Variants in PIEZO2 observed in about 807,000 individuals in gnomAD.
PIEZO2 encodes the protein piezo-type mechanosensitive ion channel component 2.
Under a neutral mutation model 337.3 loss-of-function variants are expected in PIEZO2, and 172 were observed. That is an observed-to-expected ratio of 0.51 (90% CI 0.45 to 0.58). The LOEUF (loss-of-function observed/expected upper bound fraction) is 0.58, where lower values mean the gene tolerates loss of function less well. Among genes scored for constraint, PIEZO2 ranks in the 20% least tolerant of loss-of-function variants. The pLI, the probability that PIEZO2 is intolerant of heterozygous loss-of-function variation, is 0.00. For synonymous variants in PIEZO2, 1,251 were observed against 1,228.5 expected (o/e 1.02, Z -0.38); for missense variants, 3,028 against 3,391.3 (o/e 0.89, Z 2.66).
rs2036887330 is a variant in PIEZO2, at chr18:11,035,305, C to T, written c.160+30822G>A. ...TTGTTTAAAAAGCCTGGCACCTTCT[C>T]TCTCTCTCCCTCTCTCTCTCTCTCT... is the stretch of plus-strand genomic sequence containing the variant. On this transcript the variant is annotated intron_variant, in intron 2 of 55. Coordinates refer to ENST00000674853, the MANE Select transcript of PIEZO2 (RefSeq NM_001378183.1). This position sits in a 1 kb window ranked among gnomAD's most constrained non-coding sequence, Gnocchi z 4.3. Among the ~76,000 whole-genome samples the T allele has an allele frequency of 8.7e-6, 1 of 115,346 alleles. No homozygotes were observed. Among genetic ancestry groups the T allele is most frequent in the Non-Finnish European group, 1.7e-5 (1 of 57,802 alleles). The allele number at this position is 115,346 out of a possible 152,430, so 75.7% of individuals were successfully genotyped here.
At chr18:10,769,974 T>C in intron 21 of PIEZO2, 174 bp downstream of exon 21, 1 of 630,190 alleles carries the variant, frequency 1.6e-6, no homozygotes, top group Non-Finnish European at 2.5e-6. Flanking sequence ...CCTCTTTCCT[T>C]TTTCTCAGTG....
chr18:10,735,815 C>G (rs111274614), intron 34 of PIEZO2, among the ~76,000 whole-genome samples: 4 of 152,138 alleles, frequency 2.6e-5, no homozygotes, highest in Non-Finnish European at 5.9e-5. Context: ...AAAAAACTGA[C>G]GAAGGCCTTA....
chr18:10,789,552 T>C (rs894074817), intron 14 of PIEZO2, among the ~76,000 whole-genome samples, 187 bp from the exon 15 acceptor site: 1 of 152,220 alleles, frequency 6.6e-6, no homozygotes, highest in Non-Finnish European at 1.5e-5. Context: ...TTTCATAACC[T>C]TCTCAAAATA....
At chr18:10,917,489 T>C (rs2031071850) in intron 3 of PIEZO2, among the ~76,000 whole-genome samples, 1 of 152,226 alleles carries the variant, frequency 6.6e-6, no homozygotes, top group African/African-American at 2.4e-5. Context: ...TGATTACTTT[T>C]ACCAATCATT....
At chr18:11,034,276 A>G (rs1243198902) in intron 2 of PIEZO2, among the ~76,000 whole-genome samples, 1 of 152,056 alleles carries the variant, frequency 6.6e-6, no homozygotes, top group Non-Finnish European at 1.5e-5. Context: ...TTTACTGATT[A>G]AATGTATCAT....
intron 2 of PIEZO2, among the ~76,000 whole-genome samples, chr18:11,043,817 G>A (rs1367490165): frequency 2.0e-5 from 3 of 151,794 alleles, no homozygotes; most frequent in East Asian, 1.9e-4. Context: ...CCATAGGCAC[G>A]TGCCATCATG....
chr18:10,782,173 AAT>A lies in PIEZO2; in HGVS notation c.2493-1809_2493-1808del, dbSNP rs541931221. On this transcript the variant is annotated intron_variant, in intron 17 of 55. Transcript: ENST00000674853. ...ATGTTATAATTATATATTATATATT[AAT>A]ATATATCAATGTACATCATATTATA... Among the ~76,000 whole-genome samples, 331 of 138,968 alleles carry A rather than the reference AAT, an allele frequency of 2.4e-3. 2 individuals are homozygous for A. The highest frequency in any genetic ancestry group is 8.3e-3 in the African/African-American group (312 of 37,632). The allele number at this position is 138,968 out of a possible 152,430, so 91.2% of individuals were successfully genotyped here. A position where few individuals can be genotyped will look rare whatever the true frequency, so the allele number is the denominator to read the frequency against.
At chr18:11,054,567 C>T (rs899005170) in intron 2 of PIEZO2, among the ~76,000 whole-genome samples, 12 of 152,198 alleles carry the variant, frequency 7.9e-5, no homozygotes, top group African/African-American at 2.4e-4. Context: ...TGTTTATATA[C>T]TGGAAGGGAA....
At chr18:10,740,111 C>T (rs905854234) in intron 33 of PIEZO2, 1 of 151,942 alleles carries the variant, frequency 6.6e-6, no homozygotes, top group South Asian at 2.1e-4. Flanking sequence ...CGACATTATA[C>T]GTAACTTGCA....
Position 10,722,957 on chromosome 18 carries a change from ATTT to A in PIEZO2, c.5030-4701_5030-4699del, listed in dbSNP as rs36042609. On this transcript the variant is annotated intron_variant, in intron 36 of 55. Coordinates refer to ENST00000674853, the MANE Select transcript of PIEZO2 (RefSeq NM_001378183.1). Reference sequence around the variant, plus strand: ...GACAGCATGTGTCCAGGATGCAGTGATTTTTTTTTTTTTTTTTTTTTTTTTTTG... The same window carrying A: ...GACAGCATGTGTCCAGGATGCAGTGATTTTTTTTTTTTTTTTTTTTTTTTG... 6.3e-3 allele frequency among the ~76,000 whole-genome samples: 534 copies of A among 84,294 alleles called. 2 individuals carry two copies. The highest frequency in any genetic ancestry group is 0.02 in the African/African-American group (412 of 20,872). The allele number at this position is 84,294 out of a possible 152,430, so 55.3% of individuals were successfully genotyped here. A position where few individuals can be genotyped will look rare whatever the true frequency, so the allele number is the denominator to read the frequency against.
chr18:10,927,400 C>T (rs2031811128), intron 3 of PIEZO2, among the ~76,000 whole-genome samples: 1 of 152,122 alleles, frequency 6.6e-6, no homozygotes, highest in African/African-American at 2.4e-5. Context: ...CAGGTTGCAG[C>T]GCAGGCCGTG....
chr18:10,993,297 A>T lies in PIEZO2; in HGVS notation c.161-13637T>A, dbSNP rs2035178253. On this transcript the variant is annotated intron_variant, in intron 2 of 55. Coordinates refer to ENST00000674853, the MANE Select transcript of PIEZO2 (RefSeq NM_001378183.1). This position sits in a 1 kb window ranked among gnomAD's most constrained non-coding sequence, Gnocchi z 5.0. Reference sequence around the variant, plus strand: ...GTGGTGAGAGAGTGCCGGTTTTCAAAGGGAATGCTTCCAGTTTTTGCCCAT... The same window carrying T: ...GTGGTGAGAGAGTGCCGGTTTTCAATGGGAATGCTTCCAGTTTTTGCCCAT... 6.6e-6 allele frequency among the ~76,000 whole-genome samples: 1 copy of T among 152,054 alleles called. No individual in the cohort carries two copies.
intron 2 of PIEZO2, among the ~76,000 whole-genome samples, chr18:11,046,246 T>G (rs1288916807): frequency 1.3e-5 from 2 of 152,202 alleles, no homozygotes; most frequent in Non-Finnish European, 2.9e-5. Context: ...GAGCAACATA[T>G]GGTTGAATGA....
chr18:10,693,294 A>G lies in PIEZO2; in HGVS notation c.7191-1911T>C, dbSNP rs898723822. Among the ~76,000 whole-genome samples, 3 of 150,582 alleles carry G rather than the reference A, an allele frequency of 2.0e-5. No individual in the cohort carries two copies. The East Asian group carries it at 5.9e-4, about 30-fold the overall frequency. ...ACAGCCTTATTGTAGATTCCACCGG[A>G]TTTTCTATATAGGCTGTCATATCTG... is the stretch of plus-strand genomic sequence containing the variant. On this transcript the variant is annotated intron_variant, in intron 47 of 55. Transcript: ENST00000674853.
At chr18:10,858,033 A>C (rs555081339) in intron 5 of PIEZO2, among the ~76,000 whole-genome samples, 47 of 150,210 alleles carry the variant, frequency 3.1e-4, no homozygotes, top group Non-Finnish European at 5.8e-4. Context: ...AGAAATCATA[A>C]ATAAGTGGCT....
chr18:10,756,059 G>A (rs917912757), intron 27 of PIEZO2, among the ~76,000 whole-genome samples: 13 of 147,714 alleles, frequency 8.8e-5, no homozygotes, highest in African/African-American at 3.3e-4. Flanking sequence ...ATGAAGAGGA[G>A]GGATGGGGAT....
At chr18:10,841,684 G>A (rs2041197510) in intron 7 of PIEZO2, among the ~76,000 whole-genome samples, 1 of 152,166 alleles carries the variant, frequency 6.6e-6, no homozygotes, top group African/African-American at 2.4e-5. Flanking sequence ...ATGCTAATGG[G>A]ACTCCTTCAG....
Position 10,676,300 on chromosome 18 carries a change from A to G in PIEZO2, c.8082-1012T>C, listed in dbSNP as rs531163867. ...TCTAAGGCCTGCACCCTGGTGATCC[A>G]TATATTCCATGCATTACAATGGGGC... On this transcript the variant is annotated intron_variant, in intron 53 of 55. Transcript: ENST00000674853. The surrounding 1 kb of genome is among the most constrained non-coding windows in gnomAD (Gnocchi z 5.1). 6.6e-6 allele frequency among the ~76,000 whole-genome samples: 1 copy of G among 152,332 alleles called. No individual in the cohort carries two copies. The highest frequency in any genetic ancestry group is 2.1e-4 in the South Asian group (1 of 4,826).
At chr18:11,058,570 A>T (rs2037815738) in intron 2 of PIEZO2, among the ~76,000 whole-genome samples, 1 of 152,200 alleles carries the variant, frequency 6.6e-6, no homozygotes, top group Admixed American at 6.5e-5. Context: ...CAGTGCAGAG[A>T]GGTCCTTAAA....
Sources: allele counts gnomAD v4.1 joint callset (sites outside exome capture counted in the v4.1 genomes callset), GRCh38; gene constraint gnomAD v4.1.1; non-coding constraint Gnocchi (gnomAD v3.1); transcripts MANE v1.5; gene names NCBI Gene and HGNC (gene_info 2026-07-23, HGNC 2026-07-21).